The following CAST variants were observed in gnomAD, a reference collection of about 807,000 sequenced individuals.
The protein encoded by CAST is calpastatin, also known as MIR583 host.
A neutral mutation model predicts 119.6 loss-of-function variants in CAST; 76 were observed. The ratio of observed to expected loss-of-function variants is 0.64; its 90% CI spans 0.53 to 0.77. The LOEUF (loss-of-function observed/expected upper bound fraction) is 0.77, where lower values mean the gene tolerates loss of function less well. CAST is among the 30% of genes least tolerant of loss of function. CAST has a pLI of 0.00. For missense variants in CAST, 953 were observed against 946.5 expected, an observed-to-expected ratio of 1.01 and a Z score of -0.09; for synonymous variants, 319 against 331.6, an observed-to-expected ratio of 0.96 and a Z score of 0.41.
chr5:96,763,983 A>C (rs563488845), intron 25 of CAST, among the ~76,000 whole-genome samples: 1 of 150,928 alleles, frequency 6.6e-6, no homozygotes, highest in East Asian at 1.9e-4. Flanking sequence ...AAGCCTGCTT[A>C]GTTCACTGAG....
chr5:96,597,529 CT>C (rs1039632324), intron 1 of CAST, among the ~76,000 whole-genome samples: 1 of 152,176 alleles, frequency 6.6e-6, no homozygotes, highest in Admixed American at 6.5e-5. Flanking sequence ...GAGATTTAGT[CT>C]TATATCTCTT....
At position 96,774,630 on chromosome 5, in the gene CAST, G is replaced by A. The variant is rs1773693887; in HGVS notation, c.*2014G>A. On this transcript the variant is annotated 3_prime_UTR_variant, in exon 32 of 32. Transcript: ENST00000675179. ...CAAAACTGAAAATCAATATTTCCAT[G>A]TTTCATTAATCAAGGCATAAAATAC... 3 of 985,082 alleles carry A rather than the reference G, an allele frequency of 3.0e-6. No individual in the cohort carries two copies. The highest frequency in any genetic ancestry group is 3.6e-6 in the Non-Finnish European group (3 of 829,708). 61.0% of individuals were successfully genotyped at this position (985,082 alleles called of 1,614,324 possible).
chr5:96,340,892 C>T, the CAST span, among the ~76,000 whole-genome samples: 1 of 152,098 alleles, frequency 6.6e-6, no homozygotes, highest in East Asian at 1.9e-4. Context: ...TTATGATGCT[C>T]GTTACTAAAT....
At chr5:96,711,306 A>G (rs1756099358) in intron 3 of CAST, among the ~76,000 whole-genome samples, 1 of 152,212 alleles carries the variant, frequency 6.6e-6, no homozygotes, top group South Asian at 2.1e-4. Context: ...CAACCAATAT[A>G]AAACAAAGAA....
chr5:96,359,100 T>TAG, the CAST span, among the ~76,000 whole-genome samples: 2 of 152,340 alleles, frequency 1.3e-5, no homozygotes, highest in African/African-American at 4.8e-5. Flanking sequence ...TGTTCTTCTT[T>TAG]GTCTTTTTTA....
chr5:96,529,802 C>T, upstream of CAST: 2 of 437,148 alleles, frequency 4.6e-6, no homozygotes, highest in South Asian at 3.2e-5. Flanking sequence ...GGCATTCATT[C>T]TGTCTTTCGC....
chr5:96,259,560 C>G, the CAST span, among the ~76,000 whole-genome samples: 1 of 152,094 alleles, frequency 6.6e-6, no homozygotes, highest in Non-Finnish European at 1.5e-5. Context: ...TGGAAGATAG[C>G]CTTAGATTCC....
At chr5:96,433,000 G>T in the CAST span, 1 of 1,614,236 alleles carries the variant, frequency 6.2e-7, no homozygotes, top group Non-Finnish European at 8.5e-7. Flanking sequence ...GCGCAAAAGA[G>T]GACGAAAGCA....
intron 1 of CAST, among the ~76,000 whole-genome samples, chr5:96,618,521 C>G (rs1045547590): frequency 1.1e-4 from 16 of 152,218 alleles, no homozygotes; most frequent in Non-Finnish European, 1.5e-5. Flanking sequence ...GGGAGACGCA[C>G]GGGTGGGAAC....
chr5:96,011,398 T>A, the CAST span, among the ~76,000 whole-genome samples: 1 of 152,138 alleles, frequency 6.6e-6, no homozygotes, highest in Non-Finnish European at 1.5e-5. Flanking sequence ...AGTAATAAAA[T>A]GTAAAGTCCT....
chr5:96,767,424 G>A lies in CAST; in HGVS notation c.2131-14G>A. 6.2e-7 allele frequency: 1 copy of A among 1,608,156 alleles called. No homozygotes were observed. The highest frequency in any genetic ancestry group is 8.5e-7 in the Non-Finnish European group (1 of 1,174,968). ...GATATCTATGCTTAACCAATAGTCT[G>A]CCTTCTTTTTAAGGACAAACCAGTG... On this transcript the variant is annotated splice_polypyrimidine_tract_variant and intron_variant, in intron 27 of 31. Coordinates refer to ENST00000675179, the MANE Select transcript of CAST (RefSeq NM_001750.7).
chr5:96,107,835 A>G, the CAST span, among the ~76,000 whole-genome samples: 1 of 152,130 alleles, frequency 6.6e-6, no homozygotes. Context: ...ACTTGTTTCC[A>G]TTCTCCCTGT....
At chr5:96,125,384 T>C in the CAST span, among the ~76,000 whole-genome samples, 49 of 152,274 alleles carry the variant, frequency 3.2e-4, no homozygotes, top group East Asian at 7.9e-3. Context: ...TTTTTCTCAG[T>C]GATGGAGCAG....
chr5:96,195,837 A>T, the CAST span, among the ~76,000 whole-genome samples: 2 of 152,314 alleles, frequency 1.3e-5, no homozygotes, highest in East Asian at 3.9e-4. Flanking sequence ...CAAATCACAT[A>T]TTAGTTTAAT....
At chr5:96,620,773 T>C (rs1747587988) in intron 1 of CAST, among the ~76,000 whole-genome samples, 1 of 152,232 alleles carries the variant, frequency 6.6e-6, no homozygotes, top group South Asian at 2.1e-4. Context: ...TGCTTAAATG[T>C]ATTGGCATAG....
chr5:96,599,753 A>G (rs1747112428), intron 1 of CAST, among the ~76,000 whole-genome samples: 1 of 152,206 alleles, frequency 6.6e-6, no homozygotes, highest in South Asian at 2.1e-4. Flanking sequence ...CTTGGGGCAC[A>G]GAATTAAGCT....
At chr5:96,010,302 T>A in the CAST span, among the ~76,000 whole-genome samples, 1 of 152,144 alleles carries the variant, frequency 6.6e-6, no homozygotes, top group Non-Finnish European at 1.5e-5. Flanking sequence ...ATATGATTTT[T>A]AGAATATATT....
the CAST span, among the ~76,000 whole-genome samples, chr5:96,440,536 G>T: frequency 3.3e-4 from 50 of 152,050 alleles, 1 homozygote; most frequent in Admixed American, 3.3e-3. Context: ...TTTTTTCTAA[G>T]CCCATGGACT....
At chr5:96,459,896 T>C in the CAST span, among the ~76,000 whole-genome samples, 2 of 152,190 alleles carry the variant, frequency 1.3e-5, no homozygotes, top group Non-Finnish European at 2.9e-5. Flanking sequence ...CCTCATCTTC[T>C]GTACAAACAG....
Sources: gnomAD v4.1 joint callset for allele counts (sites outside exome capture counted in the v4.1 genomes callset) on GRCh38, gnomAD v4.1.1 for gene constraint, MANE v1.5 for transcripts, NCBI Gene and HGNC (gene_info 2026-07-23, HGNC 2026-07-21) for gene names.